The following BMX variants were observed in gnomAD, a reference collection of about 807,000 sequenced individuals.
The protein encoded by BMX is BMX non-receptor tyrosine kinase.
A neutral mutation model predicts 59.2 loss-of-function variants in BMX; 31 were observed. The observed-to-expected ratio is 0.52, with a 90% CI of 0.39 to 0.71. The LOEUF (loss-of-function observed/expected upper bound fraction) is 0.71. Among genes scored for constraint, BMX ranks in the 30% least tolerant of loss-of-function variants. BMX has a pLI of 0.00. For synonymous variants in BMX, 185 were observed against 181.0 expected (o/e 1.02, Z -0.18); for missense variants, 474 against 491.7 (o/e 0.96, Z 0.34).
chrX:15,501,384 T>C (rs751877627), intron 1 of BMX, among the ~76,000 whole-genome samples: 15 of 112,634 alleles, frequency 1.3e-4, no homozygotes, highest in African/African-American at 4.5e-4. Flanking sequence ...GATGTTACTT[T>C]AGCTACAAAT....
At chrX:15,509,242 C>T (rs1388308645) in intron 2 of BMX, 87 bp from the exon 3 acceptor site, 3 of 114,628 alleles carry the variant, frequency 2.6e-5, no homozygotes, top group Non-Finnish European at 4.7e-5. Flanking sequence ...CCCAATCTCC[C>T]TCTCAGGCAT....
intron 7 of BMX, among the ~76,000 whole-genome samples, 183 bp downstream of exon 7, chrX:15,522,770 C>G (rs965696478): frequency 8.9e-6 from 1 of 112,211 alleles, no homozygotes; most frequent in African/African-American, 3.2e-5. Flanking sequence ...CATAGATTTT[C>G]CATTTAGATT....
intron 14 of BMX, among the ~76,000 whole-genome samples, chrX:15,541,668 G>T (rs1474190796): frequency 1.8e-5 from 2 of 111,289 alleles, no homozygotes; most frequent in Non-Finnish European, 3.8e-5. Context: ...GATGCCATGA[G>T]ACTCAACAGG....
intron 18 of BMX, among the ~76,000 whole-genome samples, chrX:15,555,850 T>C (rs2147150154): frequency 8.9e-6 from 1 of 112,233 alleles, no homozygotes; most frequent in African/African-American, 3.2e-5. Flanking sequence ...CTAATTGTTC[T>C]TGCTTTCCAA....
In BMX at chrX:15,534,359, C is replaced by T; in HGVS notation, c.1147+20C>T. The stretch of plus-strand genomic sequence containing the variant: ...CAGCAGGTAACTTATTTTAGTTTTT[C>T]TTTTATGGGCCCTTGTTGTAAAACA... On this transcript the variant is annotated intron_variant, in intron 12 of 18. Transcript: ENST00000348343. 8.8e-7 allele frequency: 1 copy of T among 1,141,350 alleles called. No individual in the cohort carries two copies. The highest frequency in any genetic ancestry group is 1.2e-6 in the Non-Finnish European group (1 of 860,975). 94.1% of individuals were successfully genotyped at this position (1,141,350 alleles called of 1,213,427 possible).
intron 18 of BMX, among the ~76,000 whole-genome samples, chrX:15,553,500 G>A (rs747472719): frequency 2.7e-5 from 3 of 111,983 alleles, no homozygotes; most frequent in Non-Finnish European, 5.6e-5. Flanking sequence ...ATGGAAGGAA[G>A]TTCATTTTTA....
At chrX:15,536,469 A>AT in intron 13 of BMX, 42 bp downstream of exon 13, 1 of 1,057,572 alleles carries the variant, frequency 9.5e-7, no homozygotes, top group Non-Finnish European at 1.3e-6. Context: ...ATTTTCCATC[A>AT]TTTTTTATTT....
intron 9 of BMX, among the ~76,000 whole-genome samples, chrX:15,526,450 A>G (rs1484071953): frequency 8.9e-6 from 1 of 112,102 alleles, no homozygotes; most frequent in Non-Finnish European, 1.9e-5. Flanking sequence ...GATGTTTGAA[A>G]GCTCTTATTA....
intron 1 of BMX, among the ~76,000 whole-genome samples, chrX:15,501,225 G>A (rs1000064566): frequency 8.9e-6 from 1 of 111,821 alleles, no homozygotes; most frequent in Non-Finnish European, 1.9e-5. Context: ...ATCACCACCA[G>A]TTCTACCTAG....
At chrX:15,539,412 G>T (rs190840617) in intron 14 of BMX, among the ~76,000 whole-genome samples, 27 of 111,361 alleles carry the variant, frequency 2.4e-4, no homozygotes, top group African/African-American at 8.1e-4. Flanking sequence ...CCCTCACCTT[G>T]AGCCACCTGG....
At chrX:15,514,632 T>C in intron 4 of BMX, among the ~76,000 whole-genome samples, 1 of 112,337 alleles carries the variant, frequency 8.9e-6, no homozygotes, top group Non-Finnish European at 1.9e-5. Context: ...TAAGATCTTG[T>C]AGGTTTCTCT....
At chrX:15,540,819 A>G (rs1211728067) in intron 14 of BMX, among the ~76,000 whole-genome samples, 3 of 111,573 alleles carry the variant, frequency 2.7e-5, no homozygotes, top group African/African-American at 9.8e-5. Flanking sequence ...GTACATGTCA[A>G]TCCAAAAATG....
chrX:15,549,858 T>C lies in BMX; in HGVS notation c.1814T>C (p.Val605Ala). 8.3e-7 allele frequency: 1 copy of C among 1,207,288 alleles called. No homozygotes were observed. Among genetic ancestry groups the C allele is most frequent in the African/African-American group, 1.7e-5 (1 of 57,543 alleles). The change falls in exon 18 of 19, where the codon GTG becomes GCG. Residue 605 changes from valine to alanine, a missense_variant. By Grantham distance (64) the Val-to-Ala change is moderately conservative. Transcript: ENST00000348343. ...GGTGCAGGGATCCTGATGTGGGAGG[T>C]GTTCAGCCTGGGGAAGCAGCCCTAT... The part of the protein sequence containing the change: ...VWAFGILMWE[V>A]FSLGKQPYDL...
chrX:15,537,215 A>C lies in BMX; in HGVS notation c.1304A>C (p.Lys435Thr). 3 of 1,210,788 alleles carry C rather than the reference A, an allele frequency of 2.5e-6. No individual in the cohort carries two copies. The highest frequency in any genetic ancestry group is 3.4e-6 in the Non-Finnish European group (3 of 895,129). The change falls in exon 14 of 19, where the codon AAG becomes ACG. Residue 435 changes from lysine to threonine, a missense_variant. Lys to Thr is a moderately conservative substitution (Grantham distance 78). Coordinates refer to ENST00000348343, the MANE Select transcript of BMX (RefSeq NM_203281.3). ...CAGTTTGGAGTGGTCCAGCTGGGCA[A>C]GTGGAAGGGGCAGTATGATGTTGCT... is the stretch of plus-strand genomic sequence containing the variant. ...SGQFGVVQLG[K>T]WKGQYDVAVK...
rs753747603 is a variant in BMX at position 15,511,533 on chromosome X, G to T, written c.325+15G>T. On this transcript the variant is annotated intron_variant, in intron 4 of 18. Transcript: ENST00000348343. ...ATTACAAAAAGGTAATTCAAAAAAA[G>T]AAATGTTGAAAGAGAAAGGTCAAAA... is the stretch of plus-strand genomic sequence containing the variant. 2 of 1,177,618 alleles carry T rather than the reference G, an allele frequency of 1.7e-6. No individual in the cohort carries two copies. Among genetic ancestry groups the T allele is most frequent in the Non-Finnish European group, 2.3e-6 (2 of 873,530 alleles).
chrX:15,550,665 T>TACACACAC (rs58905214), intron 18 of BMX, among the ~76,000 whole-genome samples: 47 of 86,766 alleles, frequency 5.4e-4, no homozygotes, highest in African/African-American at 1.6e-3. Flanking sequence ...TCAAAGTCTT[T>TACACACAC]ACACACACAC....
rs1419609569 is a variant in BMX at position 15,516,175 on chromosome X, T to A, written c.389T>A (p.Phe130Tyr). The A allele has an allele frequency of 8.3e-7, 1 of 1,211,366 alleles. No homozygotes were observed. The highest frequency in any genetic ancestry group is 1.1e-6 in the Non-Finnish European group (1 of 895,090). ...AGTGGGTTCTTCGTGGACGGGAAGT[T>A]CCTGTGTTGCCAGCAGAGCTGTAAA... ...YHSGFFVDGK[F>Y]LCCQQSCKAA... The change falls in exon 5 of 19, where the codon TTC becomes TAC. Residue 130 changes from phenylalanine (F) to tyrosine (Y), a missense_variant. By Grantham distance (22) the Phe-to-Tyr change is conservative. Coordinates refer to ENST00000348343, the MANE Select transcript of BMX (RefSeq NM_203281.3).
chrX:15,526,759 T>C (rs1302828050), intron 9 of BMX, among the ~76,000 whole-genome samples: 3 of 109,478 alleles, frequency 2.7e-5, no homozygotes, highest in Non-Finnish European at 5.7e-5. Flanking sequence ...CTAATTTTTG[T>C]ATTTTTAGTA....
intron 18 of BMX, among the ~76,000 whole-genome samples, chrX:15,553,812 C>T (rs1399873762): frequency 9.0e-6 from 1 of 111,357 alleles, no homozygotes; most frequent in Non-Finnish European, 1.9e-5. Context: ...CTGGCCCTCC[C>T]TACTCTAGCT....
Sources: allele counts gnomAD v4.1 joint callset (sites outside exome capture counted in the v4.1 genomes callset), GRCh38; gene constraint gnomAD v4.1.1; transcripts MANE v1.5; gene names NCBI Gene and HGNC (gene_info 2026-07-23, HGNC 2026-07-21).